JAKMIP1: variants seen among roughly 807,000 people sequenced by gnomAD.
JAKMIP1 encodes janus kinase and microtubule interacting protein 1.
Under a neutral mutation model 113.0 loss-of-function variants are expected in JAKMIP1, and 33 were observed. That is an observed-to-expected ratio of 0.29 (90% CI 0.22 to 0.39). The LOEUF (loss-of-function observed/expected upper bound fraction) is 0.39. Among genes scored for constraint, JAKMIP1 ranks in the 10% least tolerant of loss-of-function variants. The probability of loss-of-function intolerance (pLI) is 1.00; values close to 1 mark genes in which losing one functional copy is unlikely to be tolerated. For synonymous variants in JAKMIP1, 480 were observed against 459.9 expected (o/e 1.04, Z -0.56); for missense variants, 813 against 1,080.5 (o/e 0.75, Z 3.47).
chr4:6,179,008 C>T lies in JAKMIP1; in HGVS notation c.-148+21245G>A, dbSNP rs949446632. On this transcript the variant is annotated intron_variant, in intron 1 of 20. Coordinates refer to ENST00000409021, the MANE Select transcript of JAKMIP1 (RefSeq NM_001099433.2). The surrounding 1 kb of genome is among the most constrained non-coding windows in gnomAD (Gnocchi z 4.5). ...AATGGATTGCCACATCCAAAAAGAT[C>T]AGGTTACAAAGCTGGTATAGCATAT... 1.3e-5 allele frequency among the ~76,000 whole-genome samples: 2 copies of T among 152,224 alleles called. No individual in the cohort carries two copies. Among genetic ancestry groups the T allele is most frequent in the African/African-American group, 4.8e-5 (2 of 41,462 alleles).
At chr4:6,057,432 CTTG>C (rs1560119612) in intron 11 of JAKMIP1, among the ~76,000 whole-genome samples, 1 of 152,178 alleles carries the variant, frequency 6.6e-6, no homozygotes, top group East Asian at 1.9e-4. Flanking sequence ...CTCACTGAGT[CTTG>C]TTGTTCTAGG....
At position 6,181,166 on chromosome 4, in the gene JAKMIP1, G is replaced by A. The variant is rs907959188; in HGVS notation, c.-148+19087C>T. Among the ~76,000 whole-genome samples, 5 of 152,098 alleles carry A rather than the reference G, an allele frequency of 3.3e-5. No homozygotes were observed. Among genetic ancestry groups the A allele is most frequent in the African/African-American group, 1.2e-4 (5 of 41,400 alleles). Reference sequence around the variant, plus strand: ...TTGATATGACTAGATGCTGAACAGGGCGCTCCTTGACAGACACCTACCAAA... The same window carrying A: ...TTGATATGACTAGATGCTGAACAGGACGCTCCTTGACAGACACCTACCAAA... On this transcript the variant is annotated intron_variant, in intron 1 of 20. Coordinates refer to ENST00000409021, the MANE Select transcript of JAKMIP1 (RefSeq NM_001099433.2). The surrounding 1 kb of genome is among the most constrained non-coding windows in gnomAD (Gnocchi z 5.4).
rs1713863038 is a variant in JAKMIP1 at position 6,105,914 on chromosome 4, C to G, written c.183G>C (p.Glu61Asp). 3.7e-6 allele frequency: 6 copies of G among 1,610,906 alleles called. No individual in the cohort carries two copies. The highest frequency in any genetic ancestry group is 5.1e-6 in the Non-Finnish European group (6 of 1,179,344). Residue 61 changes from glutamate to aspartate, a missense_variant, in exon 3 of 21, where the codon GAG (glutamate) becomes GAC (aspartate). Glu to Asp is a conservative substitution (Grantham distance 45). Coordinates refer to ENST00000409021, the MANE Select transcript of JAKMIP1 (RefSeq NM_001099433.2). ...AAATGTAGGCCGTGTGCCGTCGCTG[C>G]TCCTGCTCGCGCTCCAGCTTCGCCT... is the stretch of plus-strand genomic sequence containing the variant. ...LQEAKLEREQ[E>D]QRRHTAYISE...
Position 6,129,733 on chromosome 4 carries a change from T to C in JAKMIP1, c.-147-16736A>G, listed in dbSNP as rs1718243723. Among the ~76,000 whole-genome samples the C allele has an allele frequency of 6.6e-6, 1 of 152,166 alleles. No individual in the cohort carries two copies. Among genetic ancestry groups the C allele is most frequent in the Non-Finnish European group, 1.5e-5 (1 of 68,028 alleles). On this transcript the variant is annotated intron_variant, in intron 1 of 20. Coordinates refer to ENST00000409021, the MANE Select transcript of JAKMIP1 (RefSeq NM_001099433.2). This position sits in a 1 kb window ranked among gnomAD's most constrained non-coding sequence, Gnocchi z 5.4. Reference sequence around the variant, plus strand: ...TGACCAAAGAGGTTATGATGAGATTTCTCCATGAAGCACAACTCCCGCCCC... The same window carrying C: ...TGACCAAAGAGGTTATGATGAGATTCCTCCATGAAGCACAACTCCCGCCCC...
Position 6,049,810 on chromosome 4 carries a change from C to A in JAKMIP1, c.1962+9G>T. 2 of 1,604,440 alleles carry A rather than the reference C, an allele frequency of 1.2e-6. No homozygotes were observed. The highest frequency in any genetic ancestry group is 2.2e-5 in the South Asian group (2 of 90,804). On this transcript the variant is annotated intron_variant, in intron 15 of 20. Coordinates refer to ENST00000409021, the MANE Select transcript of JAKMIP1 (RefSeq NM_001099433.2). The surrounding 1 kb of genome is among the most constrained non-coding windows in gnomAD (Gnocchi z 7.0). ...AACACGAAAGCAGAAACCGATCGCT[C>A]ATAGTTACCCCGTTATCGCCAAGGA...
intron 16 of JAKMIP1, among the ~76,000 whole-genome samples, chr4:6,048,161 G>A (rs553964115): frequency 6.6e-6 from 1 of 152,294 alleles, no homozygotes; most frequent in South Asian, 2.1e-4. Flanking sequence ...ACCATCAAAT[G>A]GGCAAAGTTC....
At chr4:6,118,509 G>A (rs531893673) in intron 1 of JAKMIP1, among the ~76,000 whole-genome samples, 9 of 152,302 alleles carry the variant, frequency 5.9e-5, no homozygotes, top group African/African-American at 1.9e-4. Context: ...TGGTTCGCAG[G>A]AGGTGGATAT....
In JAKMIP1 at chr4:6,059,493, C is replaced by T. The variant is rs575981420; in HGVS notation, c.1644+931G>A. 6.6e-6 allele frequency among the ~76,000 whole-genome samples: 1 copy of T among 152,116 alleles called. No individual in the cohort carries two copies. The highest frequency in any genetic ancestry group is 1.5e-5 in the Non-Finnish European group (1 of 68,018). On this transcript the variant is annotated intron_variant, in intron 11 of 20. Transcript: ENST00000409021. This position sits in a 1 kb window ranked among gnomAD's most constrained non-coding sequence, Gnocchi z 4.8. ...GGTAGACCTTGCCTGGCCTCCTCAG[C>T]CCCCCATAGATGCCTCTCTGCAGGC...
At chr4:6,175,406 A>G (rs774412299) in intron 1 of JAKMIP1, among the ~76,000 whole-genome samples, 8 of 152,246 alleles carry the variant, frequency 5.3e-5, no homozygotes, top group Non-Finnish European at 1.2e-4. Context: ...ACAGCAGTTC[A>G]GCGCTGGGAG....
Position 6,081,765 on chromosome 4 carries a change from G to A in JAKMIP1, c.955-10C>T. On this transcript the variant is annotated splice_polypyrimidine_tract_variant and intron_variant, in intron 5 of 20. Transcript: ENST00000409021. The surrounding 1 kb of genome is among the most constrained non-coding windows in gnomAD (Gnocchi z 4.6). The stretch of plus-strand genomic sequence containing the variant: ...CTCGTGAGCGTTTCAGCTGTGGTTG[G>A]AAACAGACACAGAGGCTCAGACAAC... 2 of 1,614,116 alleles carry A rather than the reference G, an allele frequency of 1.2e-6. No homozygotes were observed. Among genetic ancestry groups the A allele is most frequent in the Non-Finnish European group, 1.7e-6 (2 of 1,180,012 alleles).
chr4:6,127,633 G>T (rs942700691), intron 1 of JAKMIP1, among the ~76,000 whole-genome samples: 7 of 152,180 alleles, frequency 4.6e-5, no homozygotes, highest in Admixed American at 1.3e-4. Flanking sequence ...ACAATGTGAA[G>T]GAACACAAGG....
Position 6,176,119 on chromosome 4 carries a change from A to T in JAKMIP1, c.-148+24134T>A, listed in dbSNP as rs1342281192. Reference sequence around the variant, plus strand: ...TAATGCTCCCCTGGAGTAGTCAGAGATCTAGTGAGAAGAAGGGACTACAAA... The same window carrying T: ...TAATGCTCCCCTGGAGTAGTCAGAGTTCTAGTGAGAAGAAGGGACTACAAA... On this transcript the variant is annotated intron_variant, in intron 1 of 20. Coordinates refer to ENST00000409021, the MANE Select transcript of JAKMIP1 (RefSeq NM_001099433.2). The surrounding 1 kb of genome is among the most constrained non-coding windows in gnomAD (Gnocchi z 5.5). Among the ~76,000 whole-genome samples the T allele has an allele frequency of 1.3e-5, 2 of 152,226 alleles. No individual in the cohort carries two copies. The highest frequency in any genetic ancestry group is 1.3e-4 in the Admixed American group (2 of 15,284).
rs1719512400 is a variant in JAKMIP1 at position 6,138,028 on chromosome 4, G to A, written c.-147-25031C>T. On this transcript the variant is annotated intron_variant, in intron 1 of 20. Coordinates refer to ENST00000409021, the MANE Select transcript of JAKMIP1 (RefSeq NM_001099433.2). This position sits in a 1 kb window ranked among gnomAD's most constrained non-coding sequence, Gnocchi z 6.0. Reference sequence around the variant, plus strand: ...GCCCCAGCTCCCAGAGGTGGCAGAGGTGGCAGCTCCCGAGAGGCCAGCTCT... The same window carrying A: ...GCCCCAGCTCCCAGAGGTGGCAGAGATGGCAGCTCCCGAGAGGCCAGCTCT... 6.6e-6 allele frequency among the ~76,000 whole-genome samples: 1 copy of A among 152,178 alleles called. No homozygotes were observed. The highest frequency in any genetic ancestry group is 1.9e-4 in the East Asian group (1 of 5,188).
chr4:6,131,366 C>CA (rs34129127), intron 1 of JAKMIP1, among the ~76,000 whole-genome samples: 21,697 of 84,866 alleles, frequency 0.26, 1,944 homozygotes, highest in East Asian at 0.46. Flanking sequence ...GGATAACTGC[C>CA]AAAAAAAAAA....
In JAKMIP1 at chr4:6,184,352, C is replaced by G. The variant is rs115352375; in HGVS notation, c.-148+15901G>C. 6.6e-6 allele frequency among the ~76,000 whole-genome samples: 1 copy of G among 152,184 alleles called. No individual in the cohort carries two copies. Among genetic ancestry groups the G allele is most frequent in the South Asian group, 2.1e-4 (1 of 4,832 alleles). Reference sequence around the variant, plus strand: ...AGGAAGGGGGCATGCCTCGAACACACGCCTCCCTACTCCCAGCCCACTGCT... The same window carrying G: ...AGGAAGGGGGCATGCCTCGAACACAGGCCTCCCTACTCCCAGCCCACTGCT... On this transcript the variant is annotated intron_variant, in intron 1 of 20. Transcript: ENST00000409021. The surrounding 1 kb of genome is among the most constrained non-coding windows in gnomAD (Gnocchi z 4.5).
chr4:6,140,028 T>A lies in JAKMIP1; in HGVS notation c.-147-27031A>T, dbSNP rs1245411890. 1.3e-5 allele frequency among the ~76,000 whole-genome samples: 2 copies of A among 152,028 alleles called. No homozygotes were observed. Among genetic ancestry groups the A allele is most frequent in the Non-Finnish European group, 2.9e-5 (2 of 68,024 alleles). On this transcript the variant is annotated intron_variant, in intron 1 of 20. Transcript: ENST00000409021. The surrounding 1 kb of genome is among the most constrained non-coding windows in gnomAD (Gnocchi z 9.4). Reference sequence around the variant, plus strand: ...TCCAGCCTCCAGAACTAAGAGACCATCCGTTTGTCTTGTGTATTCCATGGT... The same window carrying A: ...TCCAGCCTCCAGAACTAAGAGACCAACCGTTTGTCTTGTGTATTCCATGGT...
rs911121667 is a variant in JAKMIP1, at chr4:6,155,439, T to G, written c.-147-42442A>C. Among the ~76,000 whole-genome samples, 2 of 152,210 alleles carry G rather than the reference T, an allele frequency of 1.3e-5. No homozygotes were observed. The highest frequency in any genetic ancestry group is 2.9e-5 in the Non-Finnish European group (2 of 68,040). The stretch of plus-strand genomic sequence containing the variant: ...AAAAAGTATGGAAAGGCTAAAACAC[T>G]TGTCCAAAAGTGCACAGCTACTAAG... On this transcript the variant is annotated intron_variant, in intron 1 of 20. Transcript: ENST00000409021. This position sits in a 1 kb window ranked among gnomAD's most constrained non-coding sequence, Gnocchi z 6.1.
In JAKMIP1 at chr4:6,170,999, TACC is replaced by T. The variant is rs200616062; in HGVS notation, c.-148+29251_-148+29253del. Among the ~76,000 whole-genome samples the T allele has an allele frequency of 2.3e-3, 291 of 128,640 alleles. 1 individual carries two copies. Among genetic ancestry groups the T allele is most frequent in the African/African-American group, 7.7e-3 (272 of 35,550 alleles). The allele number at this position is 128,640 out of a possible 152,430, so 84.4% of individuals were successfully genotyped here. A position where few individuals can be genotyped will look rare whatever the true frequency, so the allele number is the denominator to read the frequency against. On this transcript the variant is annotated intron_variant, in intron 1 of 20. Transcript: ENST00000409021. ...CTGACACCACCACCATTGCCACCCTTACCACCACTGCCATCACCATAATCACCA... is the reference window on the plus strand; with the variant it reads ...CTGACACCACCACCATTGCCACCCTTACCACTGCCATCACCATAATCACCA...
Position 6,080,271 on chromosome 4 carries a change from G to C in JAKMIP1, c.1143C>G (p.Thr381=). ...TCGTCAGGCTGAGGTCATTCAAGGA[G>C]GTATGCCGCTTCAGAGACGCCTGCG... ...LSAQASLKRH[T]SLNDLSLTRD... Residue 381 remains threonine, a synonymous_variant, in exon 7 of 21, where the codon ACC becomes ACG. Coordinates refer to ENST00000409021, the MANE Select transcript of JAKMIP1 (RefSeq NM_001099433.2). This position sits in a 1 kb window ranked among gnomAD's most constrained non-coding sequence, Gnocchi z 6.0. 2 of 1,614,196 alleles carry C rather than the reference G, an allele frequency of 1.2e-6. No homozygotes were observed. The highest frequency in any genetic ancestry group is 1.7e-6 in the Non-Finnish European group (2 of 1,180,034).
Sources: gnomAD v4.1 joint callset for allele counts (sites outside exome capture counted in the v4.1 genomes callset) on GRCh38, gnomAD v4.1.1 for gene constraint, Gnocchi (gnomAD v3.1) non-coding constraint, MANE v1.5 for transcripts, NCBI Gene and HGNC (gene_info 2026-07-23, HGNC 2026-07-21) for gene names.